CDH4: variants seen among roughly 807,000 people sequenced by gnomAD.
CDH4 encodes cadherin-4.
In CDH4, 33 loss-of-function variants were observed where a neutral mutation model predicts 86.0. That is an observed-to-expected ratio of 0.38 (90% CI 0.29 to 0.51). CDH4 has a LOEUF of 0.51. Among genes scored for constraint, CDH4 ranks in the 20% least tolerant of loss-of-function variants. CDH4 has a pLI of 0.86. For synonymous variants in CDH4, 555 were observed against 549.4 expected, an observed-to-expected ratio of 1.01 and a Z score of -0.14; for missense variants, 1,114 against 1,307.4, an observed-to-expected ratio of 0.85 and a Z score of 2.28.
intron 2 of CDH4, among the ~76,000 whole-genome samples, chr20:61,686,424 C>T (rs1174737880): frequency 3.4e-5 from 5 of 146,120 alleles, no homozygotes; most frequent in African/African-American, 1.0e-4. Context: ...TGTACATTTG[C>T]GTGTGTATGT....
At position 61,490,427 on chromosome 20, in the gene CDH4, G is replaced by A. The variant is rs1033885420; in HGVS notation, c.169+235490G>A. On this transcript the variant is annotated intron_variant, in intron 2 of 15. Coordinates refer to ENST00000614565, the MANE Select transcript of CDH4 (RefSeq NM_001794.5). ...TTAAAAATTGTCATGGTGGCCGGGC[G>A]CAGTGGCTCATGCCTGTAATGCCAG... 3.0e-4 allele frequency among the ~76,000 whole-genome samples: 45 copies of A among 152,314 alleles called. No homozygotes were observed. In the Middle Eastern group the frequency reaches 0.01, roughly 35 times the overall value.
At chr20:61,639,737 G>A (rs2086985777) in intron 2 of CDH4, among the ~76,000 whole-genome samples, 1 of 151,922 alleles carries the variant, frequency 6.6e-6, no homozygotes, top group African/African-American at 2.4e-5. Context: ...AGCGCAGAAG[G>A]CTCGAGCTTT....
intron 4 of CDH4, among the ~76,000 whole-genome samples, chr20:61,813,946 C>G (rs554402777): frequency 1.3e-5 from 2 of 152,324 alleles, no homozygotes; most frequent in South Asian, 2.1e-4. Context: ...AGGGTCTCCC[C>G]AGCCCAATAT....
chr20:61,817,996 C>G (rs1980816114), intron 4 of CDH4, among the ~76,000 whole-genome samples: 2 of 152,164 alleles, frequency 1.3e-5, no homozygotes, highest in South Asian at 4.1e-4. Context: ...CCTGGGGCAG[C>G]TGCCCTGTCA....
At chr20:61,410,052 C>T (rs1036034058) in intron 2 of CDH4, among the ~76,000 whole-genome samples, 30 of 152,232 alleles carry the variant, frequency 2.0e-4, no homozygotes, top group African/African-American at 7.0e-4. Context: ...TCTGAACCAA[C>T]CAGTCTGAAT....
intron 4 of CDH4, among the ~76,000 whole-genome samples, chr20:61,830,442 G>A (rs1475026492): frequency 1.3e-5 from 2 of 151,856 alleles, no homozygotes; most frequent in East Asian, 2.0e-4. Flanking sequence ...CACACCTCCC[G>A]GGGCCTCTGC....
chr20:61,336,226 A>G (rs2123273413), intron 2 of CDH4, among the ~76,000 whole-genome samples: 1 of 152,302 alleles, frequency 6.6e-6, no homozygotes, highest in Middle Eastern at 3.4e-3. Context: ...GGTGAATCAC[A>G]GTTCACTCAA....
chr20:61,670,460 C>T (rs761529708), intron 2 of CDH4, among the ~76,000 whole-genome samples: 1 of 152,206 alleles, frequency 6.6e-6, no homozygotes, highest in African/African-American at 2.4e-5. Flanking sequence ...ACCAGCATCA[C>T]GTGTCCCCTG....
intron 2 of CDH4, among the ~76,000 whole-genome samples, chr20:61,428,710 A>G (rs950484409): frequency 6.6e-6 from 1 of 152,304 alleles, no homozygotes; most frequent in East Asian, 1.9e-4. Context: ...CTCGATCTGG[A>G]TGCTGGTAAC....
chr20:61,401,434 C>T (rs6121453), intron 2 of CDH4, among the ~76,000 whole-genome samples: 76,283 of 151,768 alleles, frequency 0.5, 20,190 homozygotes, highest in African/African-American at 0.67. Context: ...TGCACCCCAC[C>T]CTACCATGGG....
chr20:61,464,622 G>A (rs2427118), intron 2 of CDH4, among the ~76,000 whole-genome samples: 52,555 of 152,116 alleles, frequency 0.35, 11,066 homozygotes, highest in Admixed American at 0.49. Flanking sequence ...TGTTCTCCCT[G>A]GATCCTTTGA....
chr20:61,787,930 G>A (rs1333104765), intron 4 of CDH4, among the ~76,000 whole-genome samples: 1 of 152,222 alleles, frequency 6.6e-6, no homozygotes, highest in Non-Finnish European at 1.5e-5. Context: ...AGAACTGAGA[G>A]AGTGTCAAGG....
chr20:61,741,454 C>T (rs2145939946), intron 2 of CDH4, among the ~76,000 whole-genome samples: 1 of 152,158 alleles, frequency 6.6e-6, no homozygotes, highest in East Asian at 1.9e-4. Context: ...CTCAAAGCAG[C>T]TTCAATGCTT....
chr20:61,842,516 G>C (rs1026858683), intron 4 of CDH4, among the ~76,000 whole-genome samples: 4 of 152,200 alleles, frequency 2.6e-5, no homozygotes, highest in Admixed American at 6.5e-5. Flanking sequence ...CTCCAGGTGT[G>C]TGTTCTCTGC....
rs1422162744 is a variant in CDH4 at position 61,392,316 on chromosome 20, C to T, written c.169+137379C>T. Among the ~76,000 whole-genome samples the T allele has an allele frequency of 6.6e-6, 1 of 152,102 alleles. No individual in the cohort carries two copies. Among genetic ancestry groups the T allele is most frequent in the Admixed American group, 6.5e-5 (1 of 15,268 alleles). On this transcript the variant is annotated intron_variant, in intron 2 of 15. Coordinates refer to ENST00000614565, the MANE Select transcript of CDH4 (RefSeq NM_001794.5). This position sits in a 1 kb window ranked among gnomAD's most constrained non-coding sequence, Gnocchi z 5.7. ...GTGTTTTGCTGTCAGGACGCAGCCT[C>T]CCTGGAAGCAGAGGCTCCCCTGCGA...
At chr20:61,833,622 A>G (rs62206321) in intron 4 of CDH4, among the ~76,000 whole-genome samples, 2,342 of 152,120 alleles carry the variant, frequency 0.015, 30 homozygotes, top group Non-Finnish European at 0.025. Flanking sequence ...AAGCAAGAGT[A>G]CTCAGCCTTC....
At chr20:61,842,529 G>A (rs2146098769) in intron 4 of CDH4, among the ~76,000 whole-genome samples, 1 of 152,326 alleles carries the variant, frequency 6.6e-6, no homozygotes, top group South Asian at 2.1e-4. Flanking sequence ...TTCTCTGCTA[G>A]TCAAGTTTTA....
chr20:61,839,552 TTG>T (rs1307008773), intron 4 of CDH4, among the ~76,000 whole-genome samples: 3 of 146,944 alleles, frequency 2.0e-5, no homozygotes, highest in Non-Finnish European at 3.0e-5. Context: ...ATTGTGTGTG[TTG>T]TGTGTGCATA....
intron 2 of CDH4, among the ~76,000 whole-genome samples, chr20:61,495,387 A>G (rs915027409): frequency 6.6e-6 from 1 of 151,468 alleles, no homozygotes; most frequent in African/African-American, 2.4e-5. Flanking sequence ...GGAGCCTGGA[A>G]CCCCTCCCCC....
Sources: gnomAD v4.1 joint callset for allele counts (sites outside exome capture counted in the v4.1 genomes callset) on GRCh38, gnomAD v4.1.1 for gene constraint, Gnocchi (gnomAD v3.1) non-coding constraint, MANE v1.5 for transcripts, NCBI Gene and HGNC (gene_info 2026-07-23, HGNC 2026-07-21) for gene names.